The following KCNN2 variants were observed in gnomAD, a reference collection of about 807,000 sequenced individuals.
KCNN2 encodes small conductance calcium-activated potassium channel protein 2.
In KCNN2, 24 loss-of-function variants were observed where a neutral mutation model predicts 55.5. The ratio of observed to expected loss-of-function variants is 0.43; its 90% CI spans 0.31 to 0.61. The LOEUF (loss-of-function observed/expected upper bound fraction) is 0.61. KCNN2 is among the 20% of genes least tolerant of loss of function. The probability of loss-of-function intolerance (pLI) is 0.08; values close to 1 mark genes in which losing one functional copy is unlikely to be tolerated. For missense variants in KCNN2, 754 were observed against 853.6 expected (o/e 0.88, Z 1.45); for synonymous variants, 431 against 336.1 (o/e 1.28, Z -3.09).
intron 3 of KCNN2, among the ~76,000 whole-genome samples, chr5:114,454,709 A>G (rs962878488): frequency 6.6e-6 from 1 of 152,182 alleles, no homozygotes; most frequent in Non-Finnish European, 1.5e-5. Context: ...CCAGAGAATG[A>G]ACCTATCTCC....
chr5:114,465,572 A>G (rs180710159), intron 4 of KCNN2, among the ~76,000 whole-genome samples: 2 of 151,868 alleles, frequency 1.3e-5, no homozygotes, highest in African/African-American at 4.8e-5. Context: ...AGATTGCGCC[A>G]TGGCACTCTA....
intron 3 of KCNN2, among the ~76,000 whole-genome samples, chr5:114,433,018 G>A (rs575828232): frequency 3.2e-4 from 49 of 152,244 alleles, no homozygotes; most frequent in South Asian, 2.5e-3. Flanking sequence ...GCCACCCCCT[G>A]CTCCACGGTG....
intron 1 of KCNN2, among the ~76,000 whole-genome samples, chr5:114,196,878 C>A (rs1231374978): frequency 6.6e-6 from 1 of 151,546 alleles, no homozygotes; most frequent in African/African-American, 2.4e-5. Context: ...CTTCTTTCTG[C>A]TTGCTTTATG....
intron 2 of KCNN2, among the ~76,000 whole-genome samples, chr5:114,246,447 A>C (rs902449599): frequency 1.3e-5 from 2 of 152,290 alleles, no homozygotes; most frequent in South Asian, 4.1e-4. Flanking sequence ...TACCTATTAC[A>C]ATGATATATT....
intron 1 of KCNN2, among the ~76,000 whole-genome samples, chr5:114,152,141 T>TTATA (rs1752541901): frequency 6.6e-6 from 1 of 152,124 alleles, no homozygotes; most frequent in South Asian, 2.1e-4. Flanking sequence ...AAATGTCTCA[T>TTATA]TATAGTTCCA....
intron 2 of KCNN2, among the ~76,000 whole-genome samples, chr5:114,371,116 T>C: frequency 6.6e-6 from 1 of 152,152 alleles, no homozygotes; most frequent in East Asian, 1.9e-4. Context: ...AGATGATTGA[T>C]GGGGTTCTGG....
chr5:114,073,705 T>C (rs1431247541), intron 1 of KCNN2, among the ~76,000 whole-genome samples: 2 of 152,226 alleles, frequency 1.3e-5, no homozygotes, highest in Admixed American at 1.3e-4. Context: ...GAGCTGGTCC[T>C]AAGCTCAGTT....
intron 1 of KCNN2, among the ~76,000 whole-genome samples, chr5:114,081,099 A>G (rs1279246317): frequency 2.0e-5 from 3 of 152,196 alleles, no homozygotes; most frequent in African/African-American, 7.2e-5. Context: ...ATTAAGAAGT[A>G]AGGTGAAAGA....
At chr5:114,319,844 T>C (rs1424031307) in intron 2 of KCNN2, among the ~76,000 whole-genome samples, 1 of 152,226 alleles carries the variant, frequency 6.6e-6, no homozygotes, top group East Asian at 1.9e-4. Flanking sequence ...CATTCTATAA[T>C]ATTTTTATGT....
At chr5:114,151,336 T>C (rs557132577) in intron 1 of KCNN2, among the ~76,000 whole-genome samples, 3 of 152,232 alleles carry the variant, frequency 2.0e-5, no homozygotes, top group African/African-American at 7.2e-5. Context: ...GGGACAGGGC[T>C]CAGGTACCCC....
chr5:114,371,270 C>T lies in KCNN2; in HGVS notation c.1218+7269C>T, dbSNP rs553521792. Among the ~76,000 whole-genome samples, 17 of 151,882 alleles carry T rather than the reference C, an allele frequency of 1.1e-4. No individual in the cohort carries two copies. In the East Asian group the frequency reaches 1.9e-3, roughly 17 times the overall value. On this transcript the variant is annotated intron_variant, in intron 2 of 7. Transcript: ENST00000673685. ...TCTGGAGTACAGAGGAAGTCTGTAC[C>T]GGATATTTAAATTTGGGAGTTATCA...
intron 2 of KCNN2, among the ~76,000 whole-genome samples, chr5:114,267,250 C>T (rs941752513): frequency 3.9e-5 from 6 of 152,206 alleles, no homozygotes; most frequent in Non-Finnish European, 8.8e-5. Context: ...ACCCCTCGGC[C>T]TCCCAAAGTG....
At chr5:114,438,850 T>C (rs1382162334) in intron 3 of KCNN2, among the ~76,000 whole-genome samples, 1 of 152,216 alleles carries the variant, frequency 6.6e-6, no homozygotes, top group Non-Finnish European at 1.5e-5. Flanking sequence ...CAAAACCCTA[T>C]GTTAGAGAAT....
chr5:114,326,469 A>G (rs1756716332), intron 2 of KCNN2, among the ~76,000 whole-genome samples: 1 of 152,104 alleles, frequency 6.6e-6, no homozygotes, highest in Admixed American at 6.5e-5. Context: ...CTATACCAAC[A>G]TGAGCCATCA....
chr5:114,109,877 T>C (rs1030596855), intron 1 of KCNN2, among the ~76,000 whole-genome samples: 1 of 151,970 alleles, frequency 6.6e-6, no homozygotes, highest in African/African-American at 2.4e-5. Context: ...AGAGCATGGG[T>C]AGTACTATGA....
rs183076888 is a variant in KCNN2, at chr5:114,199,017, T to C, written c.-270-22463T>C. ...TGTCTTGATGATCTGTCTAGTGCTATGAGTGGGGTATTAAAGTCCCCTATT... is the reference window on the plus strand; with the variant it reads ...TGTCTTGATGATCTGTCTAGTGCTACGAGTGGGGTATTAAAGTCCCCTATT... On this transcript the variant is annotated intron_variant, in intron 1 of 10. Coordinates refer to the KCNN2 transcript ENST00000512097. Among the ~76,000 whole-genome samples, 170 of 152,226 alleles carry C rather than the reference T, an allele frequency of 1.1e-3. 1 individual carries two copies. Among genetic ancestry groups the C allele is most frequent in the Non-Finnish European group, 1.7e-3 (118 of 67,936 alleles).
intron 2 of KCNN2, among the ~76,000 whole-genome samples, chr5:114,308,286 C>T (rs540666853): frequency 9.9e-5 from 15 of 152,254 alleles, no homozygotes; most frequent in African/African-American, 3.6e-4. Flanking sequence ...AATCCTGATA[C>T]CTGCTGTTTT....
In KCNN2 at chr5:114,181,472, A is replaced by G. The variant is rs555031348; in HGVS notation, c.-270-40008A>G. On this transcript the variant is annotated intron_variant, in intron 1 of 10. Transcript: ENST00000512097. ...GTTATATTCTCATTACTGAATTATG[A>G]GTTCTTTCACATTCTGGACAGCAGA... 1.5e-3 allele frequency among the ~76,000 whole-genome samples: 235 copies of G among 152,232 alleles called. 1 individual carries two copies. The highest frequency in any genetic ancestry group is 5.4e-3 in the African/African-American group (223 of 41,546).
intron 2 of KCNN2, among the ~76,000 whole-genome samples, chr5:114,270,103 G>T (rs1755297411): frequency 6.6e-6 from 1 of 152,150 alleles, no homozygotes; most frequent in Admixed American, 6.6e-5. Flanking sequence ...GTTTAATCCT[G>T]CTGCCTACTT....
Sources: gnomAD v4.1 joint callset for allele counts (sites outside exome capture counted in the v4.1 genomes callset) on GRCh38, gnomAD v4.1.1 for gene constraint, MANE v1.5 for transcripts, NCBI Gene and HGNC (gene_info 2026-07-23, HGNC 2026-07-21) for gene names.